Variants in TENM4 observed in about 807,000 individuals in gnomAD.
TENM4 encodes teneurin transmembrane protein 4.
In TENM4, 82 loss-of-function variants were observed where a neutral mutation model predicts 243.3. The observed-to-expected ratio is 0.34, with a 90% CI of 0.28 to 0.40. The LOEUF (loss-of-function observed/expected upper bound fraction) is 0.40, where lower values mean the gene tolerates loss of function less well. Among genes scored for constraint, TENM4 ranks in the 10% least tolerant of loss-of-function variants. The pLI is 1.00. For missense variants in TENM4, 3,138 were observed against 3,673.3 expected, an observed-to-expected ratio of 0.85 and a Z score of 3.77; for synonymous variants, 1,412 against 1,456.3, an observed-to-expected ratio of 0.97 and a Z score of 0.69.
chr11:78,677,444 C>T (rs1187455774), intron 29 of TENM4, among the ~76,000 whole-genome samples: 2 of 151,866 alleles, frequency 1.3e-5, no homozygotes, highest in South Asian at 4.2e-4. Flanking sequence ...TTTGTAGAGA[C>T]CAGGTTTCAA....
At chr11:79,168,943 T>TG (rs903774863) in intron 3 of TENM4, among the ~76,000 whole-genome samples, 70 of 152,338 alleles carry the variant, frequency 4.6e-4, no homozygotes, top group African/African-American at 1.7e-3. Context: ...TGGCCCAGTC[T>TG]ACCCCCACCC....
rs1361465606 is a variant in TENM4, at chr11:78,656,237, G to A, written c.*1821C>T. The A allele has an allele frequency of 1.3e-5, 2 of 152,168 alleles. No individual in the cohort carries two copies. The highest frequency in any genetic ancestry group is 4.8e-5 in the African/African-American group (2 of 41,416). The allele number at this position is 152,168 out of a possible 1,614,324, so 9.4% of individuals were successfully genotyped here. A position where few individuals can be genotyped will look rare whatever the true frequency, so the allele number is the denominator to read the frequency against. On this transcript the variant is annotated 3_prime_UTR_variant, in exon 34 of 34. Coordinates refer to ENST00000278550, the MANE Select transcript of TENM4 (RefSeq NM_001098816.3). ...AGACTATGTGAGTAAGGCTATAGAG[G>A]TGCCATGAGCTTATCAGTCCAACAA... is the stretch of plus-strand genomic sequence containing the variant.
chr11:78,896,905 G>A (rs549667833), intron 7 of TENM4, among the ~76,000 whole-genome samples: 7 of 152,242 alleles, frequency 4.6e-5, no homozygotes, highest in Middle Eastern at 3.4e-3. Context: ...ACCTACATGC[G>A]CAGAAGAGTG....
At chr11:79,376,722 A>G (rs932879373) in intron 1 of TENM4, among the ~76,000 whole-genome samples, 1 of 152,200 alleles carries the variant, frequency 6.6e-6, no homozygotes, top group Non-Finnish European at 1.5e-5. Flanking sequence ...CCAGGACAAG[A>G]ATGGCACCAC....
At chr11:78,938,221 A>G (rs1293161573) in intron 6 of TENM4, among the ~76,000 whole-genome samples, 1 of 152,188 alleles carries the variant, frequency 6.6e-6, no homozygotes, top group East Asian at 1.9e-4. Context: ...ACTCCTTTCT[A>G]TATTCTGCCT....
At chr11:78,934,874 T>TA (rs397776239) in intron 6 of TENM4, among the ~76,000 whole-genome samples, 2 of 152,094 alleles carry the variant, frequency 1.3e-5, no homozygotes, top group African/African-American at 2.4e-5. Context: ...TTTTATTTTT[T>TA]ATTTTTTTAG....
In TENM4 at chr11:78,708,438, T is replaced by C. The variant is rs904749986; in HGVS notation, c.4132A>G (p.Ile1378Val). 1.9e-6 allele frequency: 3 copies of C among 1,614,050 alleles called. No individual in the cohort carries two copies. The highest frequency in any genetic ancestry group is 3.3e-5 in the Admixed American group (2 of 60,026). Residue 1378 changes from isoleucine to valine, a missense_variant, in exon 27 of 34, where the codon ATC (isoleucine) becomes GTC (valine). Transcript: ENST00000278550. Reference sequence around the variant, plus strand: ...TCATTAGAGCCGAGCAGGGTGGAGATGATCCCATTCTGATCGATGCGTCTG... The same window carrying C: ...TCATTAGAGCCGAGCAGGGTGGAGACGATCCCATTCTGATCGATGCGTCTG... ...MIRRIDQNGI[I>V]STLLGSNDLT... is the part of the protein sequence containing the mutation.
Position 78,896,164 on chromosome 11 carries a change from C to T in TENM4, c.750-4828G>A, listed in dbSNP as rs990914373. On this transcript the variant is annotated intron_variant, in intron 7 of 33. Coordinates refer to ENST00000278550, the MANE Select transcript of TENM4 (RefSeq NM_001098816.3). ...CACCCTCTCACAGTGAGCCCGCTGT[C>T]CTGGGCCGTGTTTCCACCCACAAAG... Among the ~76,000 whole-genome samples the T allele has an allele frequency of 7.2e-5, 11 of 152,194 alleles. No individual in the cohort carries two copies. In the East Asian group the frequency reaches 1.5e-3, roughly 21 times the overall value.
intron 27 of TENM4, among the ~76,000 whole-genome samples, chr11:78,702,669 G>A (rs1859137119): frequency 6.6e-6 from 1 of 152,146 alleles, no homozygotes; most frequent in Admixed American, 6.5e-5. Flanking sequence ...TAGGCAAAAG[G>A]GTAGACTTTG....
intron 12 of TENM4, among the ~76,000 whole-genome samples, chr11:78,847,994 C>A (rs571410): frequency 3.3e-5 from 5 of 151,906 alleles, no homozygotes; most frequent in South Asian, 2.1e-4. Context: ...CATGAAGGAC[C>A]CAATTTTGGT....
In TENM4 at chr11:78,729,630, T is replaced by G. The variant is rs1450145154; in HGVS notation, c.3152A>C (p.Glu1051Ala). 1 of 1,609,862 alleles carries G rather than the reference T, an allele frequency of 6.2e-7. No homozygotes were observed. The highest frequency in any genetic ancestry group is 1.3e-5 in the African/African-American group (1 of 74,790). Residue 1051 changes from glutamate to alanine, a missense_variant, in exon 22 of 34, where the codon GAA becomes GCA. Physicochemically the swap from Glu to Ala is moderately radical, Grantham distance 107 (BLOSUM62 -1). Around this residue, in one of 2 missense-constraint regions of TENM4, gnomAD observed 2,467 missense variants for 3,059.1 expected, o/e 0.81. Transcript: ENST00000278550. ...IVPEIQALQE[E>A]ISISGCKMRL... The stretch of plus-strand genomic sequence containing the variant: ...CATCTTGCAGCCAGAGATAGAGATT[T>G]CCTCCTGCAAAGCCTAGAAAGCAGA...
chr11:79,018,185 T>C (rs2136786926), intron 6 of TENM4, among the ~76,000 whole-genome samples: 1 of 152,312 alleles, frequency 6.6e-6, no homozygotes, highest in East Asian at 1.9e-4. Flanking sequence ...GAGGCTGGGA[T>C]GACCACATGT....
chr11:79,075,323 C>T (rs908890065), intron 4 of TENM4, among the ~76,000 whole-genome samples: 6 of 152,188 alleles, frequency 3.9e-5, no homozygotes, highest in African/African-American at 1.4e-4. Flanking sequence ...CTTTCCAGAA[C>T]CCTCTATCCT....
chr11:79,302,727 C>T (rs76303421), intron 1 of TENM4, among the ~76,000 whole-genome samples: 3 of 152,076 alleles, frequency 2.0e-5, no homozygotes, highest in Middle Eastern at 3.2e-3. Flanking sequence ...TTTAGTTCAC[C>T]GAATTAACTG....
Position 78,656,983 on chromosome 11 carries a change from C to T in TENM4, c.*1075G>A, listed in dbSNP as rs913061737. On this transcript the variant is annotated 3_prime_UTR_variant, in exon 34 of 34. Transcript: ENST00000278550. ...CCAAGCACCTCCCTCCACATTCCTACGTCTCAGTGGTGGCGGCTGAGTGGT... is the reference window on the plus strand; with the variant it reads ...CCAAGCACCTCCCTCCACATTCCTATGTCTCAGTGGTGGCGGCTGAGTGGT... The T allele has an allele frequency of 7.5e-6, 3 of 398,494 alleles. No homozygotes were observed. Among genetic ancestry groups the T allele is most frequent in the African/African-American group, 4.1e-5 (2 of 48,632 alleles). The allele number at this position is 398,494 out of a possible 1,614,324, so 24.7% of individuals were successfully genotyped here.
chr11:79,416,063 C>G (rs1056534094), intron 1 of TENM4, among the ~76,000 whole-genome samples: 1 of 152,170 alleles, frequency 6.6e-6, no homozygotes, highest in African/African-American at 2.4e-5. Flanking sequence ...TTGGGCTAAT[C>G]AAGAATTTAT....
At chr11:78,717,427 G>A (rs1859546007) in intron 25 of TENM4, among the ~76,000 whole-genome samples, 1 of 152,204 alleles carries the variant, frequency 6.6e-6, no homozygotes. Context: ...GAACCAGTGG[G>A]AAGAGGTTGA....
chr11:78,799,316 G>A (rs1857231250), intron 15 of TENM4, among the ~76,000 whole-genome samples: 1 of 152,202 alleles, frequency 6.6e-6, no homozygotes, highest in South Asian at 2.1e-4. Context: ...GGGGATGGTA[G>A]AGAGATTCAG....
intron 12 of TENM4, among the ~76,000 whole-genome samples, chr11:78,850,061 C>CTCTGTG (rs1555089896): frequency 0.023 from 3,382 of 149,872 alleles, 55 homozygotes; most frequent in Middle Eastern, 0.071. Flanking sequence ...TTTCAGTGCT[C>CTCTGTG]TGTGTGTGTG....
Sources: allele counts gnomAD v4.1 joint callset (sites outside exome capture counted in the v4.1 genomes callset), GRCh38; gene constraint gnomAD v4.1.1; regional missense constraint gnomAD v4.1.1; transcripts MANE v1.5; gene names NCBI Gene and HGNC (gene_info 2026-07-23, HGNC 2026-07-21).